The following DCC variants were observed in gnomAD, a reference collection of about 807,000 sequenced individuals.
The protein encoded by DCC is DCC netrin 1 receptor, also known as netrin receptor DCC.
In DCC, 58 loss-of-function variants were observed where a neutral mutation model predicts 172.5. The observed-to-expected ratio is 0.34, with a 90% CI of 0.27 to 0.42. The LOEUF is 0.42. Among genes scored for constraint, DCC ranks in the 10% least tolerant of loss-of-function variants. The pLI is 1.00. For missense variants in DCC, 1,740 were observed against 1,791.0 expected (o/e 0.97, Z 0.51); for synonymous variants, 709 against 644.5 (o/e 1.10, Z -1.52).
chr18:53,433,050 G>A (rs1911723114), intron 21 of DCC, among the ~76,000 whole-genome samples: 2 of 151,916 alleles, frequency 1.3e-5, no homozygotes, highest in Admixed American at 6.6e-5. Context: ...ATTTCCTTTT[G>A]TGATATTAAT....
intron 7 of DCC, among the ~76,000 whole-genome samples, chr18:53,155,152 A>G (rs748163184): frequency 2.6e-5 from 4 of 152,086 alleles, no homozygotes; most frequent in Non-Finnish European, 4.4e-5. Context: ...GCTAGTAAGA[A>G]TTGTATATCG....
intron 13 of DCC, among the ~76,000 whole-genome samples, chr18:53,306,453 A>C (rs2057201395): frequency 6.6e-6 from 1 of 152,192 alleles, no homozygotes; most frequent in Admixed American, 6.5e-5. Context: ...GAAAACAGAT[A>C]ATGGTGGTAC....
chr18:53,033,737 C>A (rs750485515), intron 5 of DCC, among the ~76,000 whole-genome samples: 3 of 152,024 alleles, frequency 2.0e-5, no homozygotes, highest in African/African-American at 4.8e-5. Context: ...ACTTTTTGAA[C>A]TCCCTTTCCT....
At chr18:52,741,152 T>C (rs1954564789) in intron 1 of DCC, among the ~76,000 whole-genome samples, 1 of 152,208 alleles carries the variant, frequency 6.6e-6, no homozygotes, top group Admixed American at 6.5e-5. Flanking sequence ...CCTTGGAGTC[T>C]TCTGGGGCTC....
Position 53,074,867 on chromosome 18 carries a change from A to G in DCC, c.1261+8701A>G, listed in dbSNP as rs73465134. Among the ~76,000 whole-genome samples the G allele has an allele frequency of 6.8e-3, 1,028 of 152,280 alleles. 11 individuals carry two copies. Among genetic ancestry groups the G allele is most frequent in the African/African-American group, 0.024 (1,004 of 41,574 alleles). ...ATATTTATGAAGAGATTCTTAGGCA[A>G]TATTGCCTAACCTTTCCAAGTCTCT... is the stretch of plus-strand genomic sequence containing the variant. On this transcript the variant is annotated intron_variant, in intron 7 of 28. Coordinates refer to ENST00000442544, the MANE Select transcript of DCC (RefSeq NM_005215.4).
intron 1 of DCC, among the ~76,000 whole-genome samples, chr18:52,631,476 C>G (rs549828299): frequency 6.6e-6 from 1 of 152,198 alleles, no homozygotes; most frequent in African/African-American, 2.4e-5. Context: ...TAGTAAGGTA[C>G]TGTCCTTTTC....
chr18:52,565,178 CTG>C (rs1459546206), intron 1 of DCC, among the ~76,000 whole-genome samples: 2 of 152,024 alleles, frequency 1.3e-5, no homozygotes, highest in Admixed American at 1.3e-4. Flanking sequence ...AACCCTGTCT[CTG>C]TTCTATTTGA....
intron 12 of DCC, among the ~76,000 whole-genome samples, chr18:53,224,081 C>A (rs1302693447): frequency 6.6e-6 from 1 of 152,110 alleles, no homozygotes. Flanking sequence ...TACTTATATT[C>A]TAATACATGG....
rs188620100 is a variant in DCC at position 52,534,009 on chromosome 18, C to G, written c.91+193131C>G. 3.3e-5 allele frequency among the ~76,000 whole-genome samples: 5 copies of G among 152,184 alleles called. No individual in the cohort carries two copies. The East Asian group carries it at 9.7e-4, about 29-fold the overall frequency. On this transcript the variant is annotated intron_variant, in intron 1 of 28. Transcript: ENST00000442544. ...CACCTAGCACAACATTTTCAAGGTT[C>G]AGCTATGTTGTGGCGTGCTTTAGTA... is the stretch of plus-strand genomic sequence containing the variant.
rs1325305665 is a variant in DCC, at chr18:53,206,154, A to ACTATATATATT, written c.1722+790_1722+791insCTATATATATT. Among the ~76,000 whole-genome samples, 200 of 141,782 alleles carry ACTATATATATT rather than the reference A, an allele frequency of 1.4e-3. 2 individuals carry two copies. The highest frequency in any genetic ancestry group is 4.1e-3 in the African/African-American group (161 of 39,370). The allele number at this position is 141,782 out of a possible 152,430, so 93.0% of individuals were successfully genotyped here. On this transcript the variant is annotated intron_variant, in intron 10 of 28. Coordinates refer to ENST00000442544, the MANE Select transcript of DCC (RefSeq NM_005215.4). ...CATATACATATATTATATATTATATAATACATATATACATATACATATATA... is the reference window on the plus strand; with the variant it reads ...CATATACATATATTATATATTATATACTATATATATTATACATATATACATATACATATATA...
chr18:52,660,486 C>A (rs2035339363), intron 1 of DCC, among the ~76,000 whole-genome samples: 1 of 152,064 alleles, frequency 6.6e-6, no homozygotes, highest in Non-Finnish European at 1.5e-5. Flanking sequence ...TGCTCTGGTT[C>A]AAGTTTACTG....
At chr18:52,808,490 A>G (rs2038130416) in intron 2 of DCC, among the ~76,000 whole-genome samples, 2 of 152,190 alleles carry the variant, frequency 1.3e-5, no homozygotes. Flanking sequence ...AACAAAAGAC[A>G]AAATAGAAAA....
chr18:52,629,807 GGGCGTGCT>G (rs1282555580), intron 1 of DCC, among the ~76,000 whole-genome samples: 2 of 152,000 alleles, frequency 1.3e-5, no homozygotes, highest in African/African-American at 2.4e-5. Flanking sequence ...AAAATTAGCT[GGGCGTGCT>G]GGCGGGTACC....
intron 1 of DCC, among the ~76,000 whole-genome samples, chr18:52,577,442 C>A (rs557556203): frequency 1.3e-5 from 2 of 152,260 alleles, no homozygotes; most frequent in Non-Finnish European, 2.9e-5. Context: ...AAATAAAATG[C>A]CACTTGAGAG....
chr18:52,793,179 C>G (rs865813460), intron 2 of DCC, among the ~76,000 whole-genome samples: 1 of 152,180 alleles, frequency 6.6e-6, no homozygotes, highest in Non-Finnish European at 1.5e-5. Context: ...GAAGGATTGT[C>G]ACCCCACCCT....
rs570727413 is a variant in DCC, at chr18:52,956,070, G to A, written c.985+30700G>A. On this transcript the variant is annotated intron_variant, in intron 5 of 28. Coordinates refer to ENST00000442544, the MANE Select transcript of DCC (RefSeq NM_005215.4). Reference sequence around the variant, plus strand: ...CAGAACAGAGGTTTTTAATTTTAACGAAGTCCAACTTATCAATGATCTCTT... The same window carrying A: ...CAGAACAGAGGTTTTTAATTTTAACAAAGTCCAACTTATCAATGATCTCTT... 9.2e-5 allele frequency among the ~76,000 whole-genome samples: 14 copies of A among 151,474 alleles called. No homozygotes were observed. The East Asian group carries it at 2.3e-3, about 25-fold the overall frequency.
chr18:53,284,747 G>A (rs1598982781), intron 12 of DCC, among the ~76,000 whole-genome samples: 1 of 152,138 alleles, frequency 6.6e-6, no homozygotes, highest in African/African-American at 2.4e-5. Context: ...AAGAAGACAG[G>A]AAAATGCGGG....
At chr18:53,508,836 CATTTGGACAGGGCTT>C (rs1250057231) in intron 27 of DCC, among the ~76,000 whole-genome samples, 1 of 152,200 alleles carries the variant, frequency 6.6e-6, no homozygotes, top group Non-Finnish European at 1.5e-5. Flanking sequence ...TGGCCTCTTT[CATTTGGACAGGGCTT>C]GCTCTCAAAT....
intron 5 of DCC, among the ~76,000 whole-genome samples, chr18:52,926,331 G>A (rs1321904056): frequency 6.6e-6 from 1 of 151,812 alleles, no homozygotes; most frequent in African/African-American, 2.4e-5. Flanking sequence ...TGGTAATAAT[G>A]TATATCATGG....
Sources: gnomAD v4.1 joint callset for allele counts (sites outside exome capture counted in the v4.1 genomes callset) on GRCh38, gnomAD v4.1.1 for gene constraint, MANE v1.5 for transcripts, NCBI Gene and HGNC (gene_info 2026-07-23, HGNC 2026-07-21) for gene names.